Variants in SLC7A13 observed in about 807,000 individuals in gnomAD.
SLC7A13 encodes X-amino acid transporter 2.
SLC7A13 carries 31 observed loss-of-function variants against 32.0 expected under a neutral mutation model. That is an observed-to-expected ratio of 0.97 (90% CI 0.73 to 1.31). SLC7A13 has a LOEUF of 1.31. Ranked by LOEUF, SLC7A13 falls within the 50% of genes most tolerant of loss-of-function variation. The pLI, the probability that SLC7A13 is intolerant of heterozygous loss-of-function variation, is 0.00. For synonymous variants in SLC7A13, 232 were observed against 206.9 expected (o/e 1.12, Z -1.04); for missense variants, 633 against 546.9 (o/e 1.16, Z -1.57).
chr8:86,225,773 C>A (rs1205917499), intron 1 of SLC7A13, among the ~76,000 whole-genome samples: 2 of 151,882 alleles, frequency 1.3e-5, no homozygotes, highest in Non-Finnish European at 2.9e-5. Flanking sequence ...AATCCACACA[C>A]AAAAAAACTT....
In SLC7A13 at chr8:86,214,126, GA is replaced by G. The variant is rs979581214; in HGVS notation, c.*286del. On this transcript the variant is annotated 3_prime_UTR_variant, in exon 4 of 4. Transcript: ENST00000297524. ...TTCAGTAGAAAAGGGGTGGGATACA[GA>G]AAAAAAAAGTGAGAGAATGGAAGTT... 29 of 219,366 alleles carry G rather than the reference GA, an allele frequency of 1.3e-4. No individual in the cohort carries two copies. The highest frequency in any genetic ancestry group is 3.8e-4 in the East Asian group (4 of 10,588). The allele number at this position is 219,366 out of a possible 1,614,324, so 13.6% of individuals were successfully genotyped here.
In SLC7A13 at chr8:86,214,546, A is replaced by T. The variant is rs1820145700; in HGVS notation, c.1280T>A (p.Leu427Gln). 1.2e-6 allele frequency: 2 copies of T among 1,613,582 alleles called. No homozygotes were observed. The highest frequency in any genetic ancestry group is 1.6e-4 in the Middle Eastern group (1 of 6,080). ...AAATAGTAATCCGCTGAGAACTAACAGAAGCACGTAGACATAATGCACATT... is the reference window on the plus strand; with the variant it reads ...AAATAGTAATCCGCTGAGAACTAACTGAAGCACGTAGACATAATGCACATT... ...SPNVHYVYVL[L>Q]LVLSGLLFYI... is the part of the protein sequence containing the mutation. The change falls in exon 4 of 4, where the codon CTG becomes CAG. Residue 427 changes from leucine to glutamine, a missense_variant. Coordinates refer to ENST00000297524, the MANE Select transcript of SLC7A13 (RefSeq NM_138817.3).
chr8:86,226,443 C>T (rs1820389500), intron 1 of SLC7A13, among the ~76,000 whole-genome samples: 1 of 152,140 alleles, frequency 6.6e-6, no homozygotes, highest in African/African-American at 2.4e-5. Flanking sequence ...GATGGCGCTC[C>T]AACCAGTCCT....
rs1563588554 is a variant in SLC7A13, at chr8:86,217,928, A to T, written c.818-97T>A. 8 of 1,280,148 alleles carry T rather than the reference A, an allele frequency of 6.2e-6. No homozygotes were observed. In the Admixed American group the frequency reaches 1.1e-4, roughly 18 times the overall value. 79.3% of individuals were successfully genotyped at this position (1,280,148 alleles called of 1,614,324 possible). A position where few individuals can be genotyped will look rare whatever the true frequency, so the allele number is the denominator to read the frequency against. On this transcript the variant is annotated intron_variant, in intron 2 of 3. Transcript: ENST00000297524. ...TATTTCAAAATGAAAACAGAAACTT[A>T]AGTAATTAATAACATTTAGTTTGCT...
rs758695500 is a variant in SLC7A13 at position 86,230,327 on chromosome 8, T to C, written c.-50A>G. ...TATATAAATTACAATTTCTAGATTT[T>C]CCTGCCTATGTAGCTGCAAAGGATG... On this transcript the variant is annotated 5_prime_UTR_variant, in exon 1 of 4. Coordinates refer to ENST00000297524, the MANE Select transcript of SLC7A13 (RefSeq NM_138817.3). 1 of 1,457,626 alleles carries C rather than the reference T, an allele frequency of 6.9e-7. No individual in the cohort carries two copies. The allele number at this position is 1,457,626 out of a possible 1,614,324, so 90.3% of individuals were successfully genotyped here.
chr8:86,230,207 A>G lies in SLC7A13; in HGVS notation c.71T>C (p.Ile24Thr). The G allele has an allele frequency of 1.2e-6, 2 of 1,614,058 alleles. No homozygotes were observed. The highest frequency in any genetic ancestry group is 1.7e-6 in the Non-Finnish European group (2 of 1,179,966). Reference sequence around the variant, plus strand: ...AAAAATTCCTGCACCAATGATATTAATAAGCAAAAAACTTGTGCCCCACCA... The same window carrying G: ...AAAAATTCCTGCACCAATGATATTAGTAAGCAAAAAACTTGTGCCCCACCA... The part of the protein sequence containing the change: ...GYWWGTSFLL[I>T]NIIGAGIFVS... Residue 24 changes from isoleucine to threonine, a missense_variant, in exon 1 of 4, where the codon ATT becomes ACT. Coordinates refer to ENST00000297524, the MANE Select transcript of SLC7A13 (RefSeq NM_138817.3).
rs1462995350 is a variant in SLC7A13 at position 86,217,701 on chromosome 8, A to G, written c.948T>C (p.Leu316=). 6.2e-7 allele frequency: 1 copy of G among 1,613,432 alleles called. No homozygotes were observed. Among genetic ancestry groups the G allele is most frequent in the African/African-American group, 1.3e-5 (1 of 74,850 alleles). Residue 316 remains leucine, a synonymous_variant, in exon 3 of 4, where the codon CTT becomes CTC. Coordinates refer to ENST00000297524, the MANE Select transcript of SLC7A13 (RefSeq NM_138817.3). ...SIFKSSRPIY[L]ASQEGQLPLL... The stretch of plus-strand genomic sequence containing the variant: ...AAGGCAGCTGGCCCTCTTGGCTTGC[A>G]AGATATATTGGTCTCGATGATTTAA...
At position 86,229,959 on chromosome 8, in the gene SLC7A13, C is replaced by T; in HGVS notation, c.319G>A (p.Val107Ile). ...LWTSLFLGSG[V>I]VAGQALLLAE... ...AGGAGCAGAGCTTGGCCAGCAACTA[C>T]CCCTGACCCCAGAAACAAGGATGTC... The change falls in exon 1 of 4, where the codon GTA (valine) becomes ATA (isoleucine). Residue 107 changes from valine to isoleucine, a missense_variant. Val to Ile is a conservative substitution (Grantham distance 29). Coordinates refer to ENST00000297524, the MANE Select transcript of SLC7A13 (RefSeq NM_138817.3). The T allele has an allele frequency of 1.9e-6, 3 of 1,614,212 alleles. No individual in the cohort carries two copies. Among genetic ancestry groups the T allele is most frequent in the Non-Finnish European group, 2.5e-6 (3 of 1,180,034 alleles).
intron 1 of SLC7A13, among the ~76,000 whole-genome samples, chr8:86,224,856 T>G (rs1003108598): frequency 6.6e-6 from 1 of 152,164 alleles, no homozygotes; most frequent in Admixed American, 6.5e-5. Context: ...AAAATTTGTT[T>G]TTTTTTAATT....
chr8:86,229,559 T>C lies in SLC7A13; in HGVS notation c.685+34A>G. ...ATTTCATATTGTATGCAATAAGTCA[T>C]GATTTTAGATTTTTTTCCTCAATGG... On this transcript the variant is annotated intron_variant, in intron 1 of 3. Coordinates refer to ENST00000297524, the MANE Select transcript of SLC7A13 (RefSeq NM_138817.3). The C allele has an allele frequency of 2.0e-6, 3 of 1,529,654 alleles. No individual in the cohort carries two copies. In the East Asian group the frequency reaches 6.9e-5, roughly 35 times the overall value. The allele number at this position is 1,529,654 out of a possible 1,614,324, so 94.8% of individuals were successfully genotyped here. A position where few individuals can be genotyped will look rare whatever the true frequency, so the allele number is the denominator to read the frequency against.
Position 86,229,955 on chromosome 8 carries a change from A to G in SLC7A13, c.323T>C (p.Val108Ala). 1 of 1,614,216 alleles carries G rather than the reference A, an allele frequency of 6.2e-7. No individual in the cohort carries two copies. The highest frequency in any genetic ancestry group is 8.5e-7 in the Non-Finnish European group (1 of 1,180,030). ...AGCAAGGAGCAGAGCTTGGCCAGCA[A>G]CTACCCCTGACCCCAGAAACAAGGA... Reference protein sequence around the residue: ...WTSLFLGSGVVAGQALLLAEY... With the variant: ...WTSLFLGSGVAAGQALLLAEY... The change falls in exon 1 of 4, where the codon GTT (valine) becomes GCT (alanine). Residue 108 changes from valine (V) to alanine (A), a missense_variant. Physicochemically the swap from Val to Ala is moderately conservative, Grantham distance 64. Transcript: ENST00000297524.
intron 1 of SLC7A13, 104 bp from the exon 2 acceptor site, chr8:86,223,207 A>G: frequency 6.0e-6 from 7 of 1,160,880 alleles, no homozygotes; most frequent in Non-Finnish European, 8.1e-6. Context: ...ATGGGGTACA[A>G]GCATGATTTT....
intron 2 of SLC7A13, among the ~76,000 whole-genome samples, chr8:86,219,555 T>C (rs1820252504): frequency 6.6e-6 from 1 of 152,210 alleles, no homozygotes. Flanking sequence ...CGGAGCAATG[T>C]AACTACCATT....
At position 86,230,169 on chromosome 8, in the gene SLC7A13, C is replaced by A; in HGVS notation, c.109G>T (p.Gly37Cys). ...IGAGIFVSPK[G>C]VLAYSCMNVG... Reference sequence around the variant, plus strand: ...TTCATGCAAGAGTATGCCAACACACCTTTGGGGGACACAAAAATTCCTGCA... The same window carrying A: ...TTCATGCAAGAGTATGCCAACACACATTTGGGGGACACAAAAATTCCTGCA... The change falls in exon 1 of 4, where the codon GGT becomes TGT. Residue 37 changes from glycine to cysteine, a missense_variant. Transcript: ENST00000297524. 6.2e-7 allele frequency: 1 copy of A among 1,614,124 alleles called. No individual in the cohort carries two copies. The highest frequency in any genetic ancestry group is 2.2e-5 in the East Asian group (1 of 44,876).
intron 3 of SLC7A13, 144 bp from the exon 4 acceptor site, chr8:86,214,790 A>C: frequency 1.5e-6 from 1 of 648,656 alleles, no homozygotes; most frequent in Non-Finnish European, 2.6e-6. Flanking sequence ...AATCTGGCTT[A>C]GAAGTCAGAT....
intron 1 of SLC7A13, among the ~76,000 whole-genome samples, chr8:86,226,998 T>C (rs1488994400): frequency 6.6e-6 from 1 of 152,190 alleles, no homozygotes; most frequent in Non-Finnish European, 1.5e-5. Flanking sequence ...ATTATAGTCA[T>C]TTTAAACCAT....
chr8:86,229,937 A>G lies in SLC7A13; in HGVS notation c.341T>C (p.Leu114Pro). 5 of 1,614,202 alleles carry G rather than the reference A, an allele frequency of 3.1e-6. No homozygotes were observed. Among genetic ancestry groups the G allele is most frequent in the Non-Finnish European group, 4.2e-6 (5 of 1,180,030 alleles). The change falls in exon 1 of 4, where the codon CTC becomes CCC. Residue 114 changes from leucine (L) to proline (P), a missense_variant. By Grantham distance (98) the Leu-to-Pro change is moderately conservative (BLOSUM62 -3). Coordinates refer to ENST00000297524, the MANE Select transcript of SLC7A13 (RefSeq NM_138817.3). ...GSGVVAGQAL[L>P]LAEYSIQPFF... is the part of the protein sequence containing the mutation. Reference sequence around the variant, plus strand: ...AGGCTGGATGCTGTACTCAGCAAGGAGCAGAGCTTGGCCAGCAACTACCCC... The same window carrying G: ...AGGCTGGATGCTGTACTCAGCAAGGGGCAGAGCTTGGCCAGCAACTACCCC...
At position 86,229,872 on chromosome 8, in the gene SLC7A13, A is replaced by T. The variant is rs1368971584; in HGVS notation, c.406T>A (p.Cys136Ser). The change falls in exon 1 of 4, where the codon TGT becomes AGT. Residue 136 changes from cysteine to serine, a missense_variant. Cys to Ser is a moderately radical substitution (Grantham distance 112). Transcript: ENST00000297524. ...SCSVPKLPKK[C>S]LALAMLWIVG... ...ATCCACAACATGGCCAATGCCAGAC[A>T]TTTCTTAGGCAGCTTTGGGACAGAG... is the stretch of plus-strand genomic sequence containing the variant. 1 of 1,614,170 alleles carries T rather than the reference A, an allele frequency of 6.2e-7. No homozygotes were observed. Among genetic ancestry groups the T allele is most frequent in the Admixed American group, 1.7e-5 (1 of 60,000 alleles).
In SLC7A13 at chr8:86,229,608, A is replaced by T; in HGVS notation, c.670T>A (p.Phe224Ile). The change falls in exon 1 of 4, where the codon TTT becomes ATT. Residue 224 changes from phenylalanine (F) to isoleucine (I), a missense_variant. Coordinates refer to ENST00000297524, the MANE Select transcript of SLC7A13 (RefSeq NM_138817.3). ...GGATTGTTACCTGCTATAAGTGTAAAGCATGCCCCGCCTGAATATGCAAAA... is the reference window on the plus strand; with the variant it reads ...GGATTGTTACCTGCTATAAGTGTAATGCATGCCCCGCCTGAATATGCAAAA... The part of the protein sequence containing the change: ...GYFAYSGGAC[F>I]TLIAGELKKP... 6.2e-7 allele frequency: 1 copy of T among 1,613,616 alleles called. No individual in the cohort carries two copies. Among genetic ancestry groups the T allele is most frequent in the Non-Finnish European group, 8.5e-7 (1 of 1,179,828 alleles).
Sources: allele counts gnomAD v4.1 joint callset (sites outside exome capture counted in the v4.1 genomes callset), GRCh38; gene constraint gnomAD v4.1.1; transcripts MANE v1.5; gene names NCBI Gene and HGNC (gene_info 2026-07-23, HGNC 2026-07-21).